The following DDX5 variants were observed in gnomAD, a reference collection of about 807,000 sequenced individuals.
DDX5 encodes the protein probable ATP-dependent RNA helicase DDX5.
In DDX5, 6 loss-of-function variants were observed where a neutral mutation model predicts 68.6. The observed-to-expected ratio is 0.09, with a 90% confidence interval of 0.05 to 0.17. The LOEUF (loss-of-function observed/expected upper bound fraction) is 0.17. DDX5 is among the 10% of genes least tolerant of loss of function. The probability of loss-of-function intolerance (pLI) is 1.00; values close to 1 mark genes in which losing one functional copy is unlikely to be tolerated. For synonymous variants in DDX5, 350 were observed against 247.0 expected, an observed-to-expected ratio of 1.42 and a Z score of -3.91; for missense variants, 499 against 756.1, an observed-to-expected ratio of 0.66 and a Z score of 3.99.
chr17:64,502,560 G>T lies in DDX5; in HGVS notation c.984-11C>A, dbSNP rs782213689. On this transcript the variant is annotated splice_polypyrimidine_tract_variant and intron_variant, in intron 8 of 12. Coordinates refer to ENST00000225792, the MANE Select transcript of DDX5 (RefSeq NM_004396.5). ...ATTAGACGAATAAGTCTAATAATAG[G>T]AGAGAGAAAGGAAAAATCCTGAGTT... is the stretch of plus-strand genomic sequence containing the variant. 5.1e-6 allele frequency: 8 copies of T among 1,577,440 alleles called. No homozygotes were observed. In the South Asian group the frequency reaches 7.8e-5, roughly 15 times the overall value.
At position 64,504,267 on chromosome 17, in the gene DDX5, T is replaced by C. The variant is rs1346093639; in HGVS notation, c.262A>G (p.Asn88Asp). The change falls in exon 3 of 13, where the codon AAC becomes GAC. Residue 88 changes from asparagine (N) to aspartate (D), a missense_variant. Asn to Asp is a conservative substitution (Grantham distance 23). Transcript: ENST00000225792. ...RSKEITVRGHNCPKPVLNFYE... is the reference protein window; with the variant it reads ...RSKEITVRGHDCPKPVLNFYE... Reference sequence around the variant, plus strand: ...AAATTTAGAACTGGCTTCGGGCAGTTGTGACCTCTAACTGTAATTTCCTTG... The same window carrying C: ...AAATTTAGAACTGGCTTCGGGCAGTCGTGACCTCTAACTGTAATTTCCTTG... 2 of 1,614,050 alleles carry C rather than the reference T, an allele frequency of 1.2e-6. No individual in the cohort carries two copies. Among genetic ancestry groups the C allele is most frequent in the Non-Finnish European group, 1.7e-6 (2 of 1,180,040 alleles).
intron 1 of DDX5, chr17:64,505,442 G>C (rs1171971350): frequency 1.8e-5 from 10 of 555,506 alleles, no homozygotes; most frequent in Middle Eastern, 4.8e-4. Flanking sequence ...CGACTACCGG[G>C]GGAGGAGTCC....
chr17:64,500,957 C>T (rs1431555796), intron 11 of DDX5, 184 bp from the exon 12 acceptor site: 21 of 601,438 alleles, frequency 3.5e-5, no homozygotes, highest in Non-Finnish European at 6.2e-5. Context: ...GAAAAAAAAG[C>T]ACATGTCATC....
intron 9 of DDX5, 48 bp from the exon 10 acceptor site, chr17:64,502,271 A>T (rs1555671233): frequency 3.1e-6 from 5 of 1,600,628 alleles, no homozygotes. Flanking sequence ...TGAAAACCTC[A>T]GACTCCAGTG....
upstream of DDX5, chr17:64,506,472 C>T (rs2038531826): frequency 1.7e-6 from 2 of 1,159,874 alleles, no homozygotes; most frequent in South Asian, 3.3e-5. Context: ...TCAGGGCCCA[C>T]CCACCATTGG....
At position 64,504,260 on chromosome 17, in the gene DDX5, G is replaced by T; in HGVS notation, c.269C>A (p.Pro90Gln). 6.2e-7 allele frequency: 1 copy of T among 1,614,024 alleles called. No individual in the cohort carries two copies. Among genetic ancestry groups the T allele is most frequent in the Non-Finnish European group, 8.5e-7 (1 of 1,179,990 alleles). The part of the protein sequence containing the change: ...KEITVRGHNC[P>Q]KPVLNFYEAN... ...TTCATAAAAATTTAGAACTGGCTTC[G>T]GGCAGTTGTGACCTCTAACTGTAAT... Residue 90 changes from proline to glutamine, a missense_variant, in exon 3 of 13, where the codon CCG (proline) becomes CAG (glutamine). Around this residue, in one of 5 missense-constraint regions of DDX5, gnomAD observed 140 missense variants for 135.7 expected, o/e 1.03. Coordinates refer to ENST00000225792, the MANE Select transcript of DDX5 (RefSeq NM_004396.5).
Position 64,499,135 on chromosome 17 carries a change from G to A in DDX5, c.*788C>T, listed in dbSNP as rs1213497013. Among the ~76,000 whole-genome samples, 3 of 152,184 alleles carry A rather than the reference G, an allele frequency of 2.0e-5. No homozygotes were observed. The highest frequency in any genetic ancestry group is 2.9e-5 in the Non-Finnish European group (2 of 68,028). ...TGGCCATCTTAAAGGGCTAATGTAT[G>A]TCTTTCACAGGTTTGTTCAACATTT... On this transcript the variant is annotated 3_prime_UTR_variant, in exon 13 of 13. Transcript: ENST00000225792.
In DDX5 at chr17:64,501,888, G is replaced by GCA; in HGVS notation, c.1216+120_1216+121dup. 1.0e-5 allele frequency: 10 copies of GCA among 987,428 alleles called. 1 individual carries two copies. Among genetic ancestry groups the GCA allele is most frequent in the Middle Eastern group, 2.3e-4 (1 of 4,360 alleles). 61.2% of individuals were successfully genotyped at this position (987,428 alleles called of 1,614,324 possible). The stretch of plus-strand genomic sequence containing the variant: ...ATGCCTAGGCCTTGCCACAAAGACA[G>GCA]CACCTTTATGTGAAAAAAAACTTAG... On this transcript the variant is annotated intron_variant, in intron 11 of 12. Transcript: ENST00000225792.
At position 64,502,142 on chromosome 17, in the gene DDX5, A is replaced by C; in HGVS notation, c.1156+20T>G. On this transcript the variant is annotated intron_variant, in intron 10 of 12. Transcript: ENST00000225792. ...GCTAGGTTAAGTAAGGGGGAAAAAT[A>C]CTTCATTTGAAATATTTACCATTTA... is the stretch of plus-strand genomic sequence containing the variant. 6.2e-7 allele frequency: 1 copy of C among 1,614,016 alleles called. No individual in the cohort carries two copies. Among genetic ancestry groups the C allele is most frequent in the Non-Finnish European group, 8.5e-7 (1 of 1,179,924 alleles).
At chr17:64,506,841 C>T, upstream of DDX5, 1 of 601,774 alleles carries the variant, frequency 1.7e-6, no homozygotes, top group Non-Finnish European at 3.0e-6. Context: ...AATCCTTTGA[C>T]GGGTTTTGGT....
chr17:64,502,166 T>C lies in DDX5; in HGVS notation c.1152A>G (p.Leu384=). The C allele has an allele frequency of 1.2e-6, 2 of 1,614,158 alleles. No individual in the cohort carries two copies. Among genetic ancestry groups the C allele is most frequent in the Non-Finnish European group, 1.7e-6 (2 of 1,180,016 alleles). The part of the protein sequence containing the change: ...DKSQQERDWV[L]NEFKHGKAPI... ...TACTTCATTTGAAATATTTACCATT[T>C]AGAACCCAGTCACGCTCTTGTTGAC... The change falls in exon 10 of 13, where the codon CTA becomes CTG. Residue 384 remains leucine (L), a synonymous_variant. Transcript: ENST00000225792.
upstream of DDX5, chr17:64,506,813 C>CCGA (rs782156342): frequency 4.2e-5 from 24 of 577,034 alleles, no homozygotes; most frequent in Non-Finnish European, 6.6e-5. Flanking sequence ...TGTGGACCGT[C>CCGA]CGACCCGCGT....
At chr17:64,502,403 T>A in intron 9 of DDX5, 36 bp downstream of exon 9, 1 of 1,532,176 alleles carries the variant, frequency 6.5e-7, no homozygotes, top group Non-Finnish European at 9.0e-7. Context: ...TAAGCTGTTT[T>A]AATCAATCTG....
chr17:64,501,994 G>A lies in DDX5; in HGVS notation c.1216+16C>T, dbSNP rs781967716. ...TCTTCTGGGAAACCAAGCCATGAAT[G>A]CGAGTTTGTACTAACCTAGCCCTCT... On this transcript the variant is annotated intron_variant, in intron 11 of 12. Transcript: ENST00000225792. The A allele has an allele frequency of 6.2e-7, 1 of 1,612,306 alleles. No individual in the cohort carries two copies. Among genetic ancestry groups the A allele is most frequent in the East Asian group, 2.2e-5 (1 of 44,886 alleles).
chr17:64,505,835 G>C, intron 1 of DDX5: 1 of 1,536,084 alleles, frequency 6.5e-7, no homozygotes, highest in South Asian at 1.2e-5. Context: ...CTACCAAATG[G>C]CAGCCGCCCC....
At chr17:64,505,819 C>G (rs1555672277) in intron 1 of DDX5, 2 of 1,536,176 alleles carry the variant, frequency 1.3e-6, no homozygotes, top group Non-Finnish European at 1.7e-6. Flanking sequence ...TCAACTCCCT[C>G]AACAGCTACC....
Position 64,498,404 on chromosome 17 carries a change from G to A in DDX5, c.*1519C>T, listed in dbSNP as rs145202263. 3.0e-3 allele frequency among the ~76,000 whole-genome samples: 460 copies of A among 152,226 alleles called. 1 individual carries two copies. Among genetic ancestry groups the A allele is most frequent in the African/African-American group, 0.011 (441 of 41,538 alleles). On this transcript the variant is annotated 3_prime_UTR_variant, in exon 13 of 13. Transcript: ENST00000225792. ...TCATTTCAGTGTTTACAAATTAAAAGGCCCACGGTTAAGACATTAAACAGT... is the reference window on the plus strand; with the variant it reads ...TCATTTCAGTGTTTACAAATTAAAAAGCCCACGGTTAAGACATTAAACAGT...
In DDX5 at chr17:64,504,678, G is replaced by C. The variant is rs377754474; in HGVS notation, c.209C>G (p.Ala70Gly). Residue 70 changes from alanine to glycine, a missense_variant and splice_region_variant, in exon 2 of 13, where the codon GCA becomes GGA. Ala to Gly is a moderately conservative substitution (Grantham distance 60). This residue lies in a region of DDX5 where 140 missense variants were observed against 135.7 expected (regional missense o/e 1.03). Coordinates refer to ENST00000225792, the MANE Select transcript of DDX5 (RefSeq NM_004396.5). ...ATGAAGCCACATGAATTTACTCACTGCTGTGCGCCTAGCCAAATCAGGGTG... is the reference window on the plus strand; with the variant it reads ...ATGAAGCCACATGAATTTACTCACTCCTGTGCGCCTAGCCAAATCAGGGTG... ...QEHPDLARRT[A>G]QEVETYRRSK... The C allele has an allele frequency of 6.2e-7, 1 of 1,611,436 alleles. No homozygotes were observed. The highest frequency in any genetic ancestry group is 1.3e-5 in the African/African-American group (1 of 74,670).
chr17:64,500,390 A>G, intron 12 of DDX5, 64 bp from the exon 13 acceptor site: 1 of 1,554,220 alleles, frequency 6.4e-7, no homozygotes, highest in South Asian at 1.2e-5. Context: ...GTGGACAGAA[A>G]GAAACAGATC....
Sources: allele counts gnomAD v4.1 joint callset (sites outside exome capture counted in the v4.1 genomes callset), GRCh38; gene constraint gnomAD v4.1.1; regional missense constraint gnomAD v4.1.1; transcripts MANE v1.5; gene names NCBI Gene and HGNC (gene_info 2026-07-23, HGNC 2026-07-21).